The following KIF26B variants were observed in gnomAD, a reference collection of about 807,000 sequenced individuals.
KIF26B encodes kinesin family member 26B, also known as kinesin-like protein KIF26B.
A neutral mutation model predicts 151.2 loss-of-function variants in KIF26B; 63 were observed. The ratio of observed to expected loss-of-function variants is 0.42; its 90% CI spans 0.34 to 0.51. The LOEUF (loss-of-function observed/expected upper bound fraction) is 0.51. Among genes scored for constraint, KIF26B ranks in the 20% least tolerant of loss-of-function variants. KIF26B has a pLI of 0.07. For missense variants in KIF26B, 2,813 were observed against 2,913.6 expected (o/e 0.97, Z 0.79); for synonymous variants, 1,357 against 1,262.1 (o/e 1.08, Z -1.59).
chr1:245,426,623 C>CAGT (rs928556077), intron 4 of KIF26B, among the ~76,000 whole-genome samples: 4 of 152,160 alleles, frequency 2.6e-5, no homozygotes, highest in African/African-American at 9.7e-5. Context: ...CTGATTTGAC[C>CAGT]AGTATCCCCT....
intron 2 of KIF26B, among the ~76,000 whole-genome samples, chr1:245,195,911 T>G (rs767400039): frequency 8.5e-5 from 13 of 152,192 alleles, no homozygotes; most frequent in Non-Finnish European, 1.8e-4. Context: ...AGAAAAGCTC[T>G]AATAGATGGG....
chr1:245,569,136 C>T (rs1353646094), intron 5 of KIF26B, among the ~76,000 whole-genome samples: 1 of 152,070 alleles, frequency 6.6e-6, no homozygotes, highest in Non-Finnish European at 1.5e-5. Flanking sequence ...GATCTAGAGC[C>T]CTTTGCTGGA....
intron 9 of KIF26B, among the ~76,000 whole-genome samples, chr1:245,614,331 T>C (rs988106075): frequency 6.6e-6 from 1 of 152,156 alleles, no homozygotes; most frequent in Non-Finnish European, 1.5e-5. Flanking sequence ...CCCACCACCA[T>C]GTCTGGCTAA....
chr1:245,273,612 A>G (rs938488918), intron 2 of KIF26B, among the ~76,000 whole-genome samples: 5 of 152,098 alleles, frequency 3.3e-5, no homozygotes, highest in Non-Finnish European at 7.4e-5. Flanking sequence ...TCATTAAATA[A>G]TGTTGTTTCT....
chr1:245,236,153 C>A (rs1670105918), intron 2 of KIF26B, among the ~76,000 whole-genome samples: 1 of 152,140 alleles, frequency 6.6e-6, no homozygotes, highest in African/African-American at 2.4e-5. Flanking sequence ...TGGTCTCGAA[C>A]TCCTGACCTT....
chr1:245,523,476 A>G (rs1661175956), intron 4 of KIF26B, among the ~76,000 whole-genome samples: 3 of 152,196 alleles, frequency 2.0e-5, no homozygotes. Context: ...TAACAAAAAT[A>G]CCATAGTCTA....
At chr1:245,487,978 A>T (rs1309104461) in intron 4 of KIF26B, among the ~76,000 whole-genome samples, 1 of 151,932 alleles carries the variant, frequency 6.6e-6, no homozygotes, top group Non-Finnish European at 1.5e-5. Flanking sequence ...AGTAGAGATG[A>T]GGCTTCTCCA....
intron 4 of KIF26B, among the ~76,000 whole-genome samples, chr1:245,536,142 G>C (rs1457426131): frequency 6.6e-6 from 1 of 152,116 alleles, no homozygotes; most frequent in African/African-American, 2.4e-5. Context: ...ACTGCCTTGA[G>C]CTTCACTTGT....
At chr1:245,281,908 T>C (rs1671062259) in intron 2 of KIF26B, among the ~76,000 whole-genome samples, 1 of 151,586 alleles carries the variant, frequency 6.6e-6, no homozygotes, top group Admixed American at 6.6e-5. Context: ...AAAGATCAGA[T>C]AGTTGTAGAT....
chr1:245,350,859 C>T (rs1309529001), intron 2 of KIF26B, among the ~76,000 whole-genome samples: 2 of 152,136 alleles, frequency 1.3e-5, no homozygotes, highest in Admixed American at 6.6e-5. Context: ...GTAACTATCT[C>T]CAAAGCATTT....
chr1:245,416,709 C>A (rs1674428736), intron 3 of KIF26B, among the ~76,000 whole-genome samples: 1 of 152,088 alleles, frequency 6.6e-6, no homozygotes, highest in Admixed American at 6.6e-5. Flanking sequence ...ATATGGAGAG[C>A]AAAGGCCCCA....
intron 2 of KIF26B, among the ~76,000 whole-genome samples, chr1:245,229,104 C>G (rs1401468720): frequency 6.6e-6 from 1 of 152,092 alleles, no homozygotes; most frequent in East Asian, 1.9e-4. Context: ...GTAGGTCAGA[C>G]TACAGGCACG....
chr1:245,467,124 G>T (rs1659810965), intron 4 of KIF26B, among the ~76,000 whole-genome samples: 1 of 152,192 alleles, frequency 6.6e-6, no homozygotes, highest in South Asian at 2.1e-4. Context: ...GGAAGTCAGG[G>T]AGCTTTGGAC....
At chr1:245,377,232 C>T (rs1198581419) in intron 3 of KIF26B, among the ~76,000 whole-genome samples, 1 of 152,226 alleles carries the variant, frequency 6.6e-6, no homozygotes, top group Non-Finnish European at 1.5e-5. Context: ...TTAAAAGCAA[C>T]AAAAATGTAT....
At chr1:245,401,952 A>C (rs537549857) in intron 3 of KIF26B, among the ~76,000 whole-genome samples, 30 of 152,234 alleles carry the variant, frequency 2.0e-4, no homozygotes, top group African/African-American at 2.4e-4. Context: ...ACAACAACAA[A>C]AAAAACACCC....
At chr1:245,514,253 G>A (rs1170471083) in intron 4 of KIF26B, among the ~76,000 whole-genome samples, 5 of 152,078 alleles carry the variant, frequency 3.3e-5, no homozygotes, top group South Asian at 2.1e-4. Flanking sequence ...AAGTCCAGGC[G>A]CAGTGGCTCA....
At chr1:245,173,676 C>CTGGGGA (rs1197270782) in intron 2 of KIF26B, among the ~76,000 whole-genome samples, 1 of 152,222 alleles carries the variant, frequency 6.6e-6, no homozygotes, top group Non-Finnish European at 1.5e-5. Flanking sequence ...GTGAGGCTCA[C>CTGGGGA]TGCAGTCCCT....
chr1:245,332,502 A>G (rs946154821), intron 2 of KIF26B, among the ~76,000 whole-genome samples: 5 of 151,988 alleles, frequency 3.3e-5, no homozygotes, highest in Admixed American at 6.6e-5. Flanking sequence ...TTCCCTAGCA[A>G]ATTCTTTAGT....
chr1:245,437,759 C>T (rs775170179), intron 4 of KIF26B, among the ~76,000 whole-genome samples: 18 of 152,140 alleles, frequency 1.2e-4, no homozygotes, highest in Admixed American at 7.2e-4. Context: ...CCTGGAGCTT[C>T]AAAATTACAT....
Sources: allele counts gnomAD v4.1 joint callset (sites outside exome capture counted in the v4.1 genomes callset), GRCh38; gene constraint gnomAD v4.1.1; transcripts MANE v1.5; gene names NCBI Gene and HGNC (gene_info 2026-07-23, HGNC 2026-07-21).